PROCR: variants seen among roughly 807,000 people sequenced by gnomAD.
PROCR encodes endothelial protein C receptor.
Under a neutral mutation model 24.2 loss-of-function variants are expected in PROCR, and 22 were observed. The ratio of observed to expected loss-of-function variants is 0.91; its 90% confidence interval spans 0.65 to 1.30. The LOEUF is 1.30. Ranked by LOEUF, PROCR falls within the 50% of genes most tolerant of loss-of-function variation. The pLI is 0.00. For synonymous variants in PROCR, 137 were observed against 139.2 expected (o/e 0.98, Z 0.11); for missense variants, 288 against 307.7 (o/e 0.94, Z 0.48).
intron 1 of PROCR, chr20:35,202,645 C>G (rs2060323258): frequency 6.6e-6 from 1 of 151,502 alleles, no homozygotes; most frequent in Admixed American, 6.6e-5. Context: ...GTCAATTCAC[C>G]AAGAAGATAA....
intron 1 of PROCR, among the ~76,000 whole-genome samples, chr20:35,191,386 G>C (rs532367222): frequency 9.2e-5 from 14 of 152,174 alleles, no homozygotes; most frequent in Non-Finnish European, 1.6e-4. Flanking sequence ...CGTGGGAATA[G>C]AGCAATATAG....
rs1400594005 is a variant in PROCR at position 35,177,173 on chromosome 20, A to G, written c.*360A>G. On this transcript the variant is annotated 3_prime_UTR_variant, in exon 4 of 4. Coordinates refer to ENST00000216968, the MANE Select transcript of PROCR (RefSeq NM_006404.5). ...GGCGTTCAAAAGATATAACCAAATA[A>G]ACAAGTCATCCACAATCAAAATACA... 6.3e-5 allele frequency: 72 copies of G among 1,134,768 alleles called. No individual in the cohort carries two copies. The Middle Eastern group carries it at 1.2e-3, about 19-fold the overall frequency. The allele number at this position is 1,134,768 out of a possible 1,614,324, so 70.3% of individuals were successfully genotyped here.
At chr20:35,181,946 C>T (rs985400988), downstream of PROCR, among the ~76,000 whole-genome samples, 1 of 152,224 alleles carries the variant, frequency 6.6e-6, no homozygotes, top group Non-Finnish European at 1.5e-5. Context: ...AAGGATGCCA[C>T]AGCTGGAAGC....
rs116737636 is a variant in PROCR, at chr20:35,176,489, C to T, written c.601+43C>T. The T allele has an allele frequency of 9.6e-5, 155 of 1,608,286 alleles. No homozygotes were observed. The African/African-American group carries it at 2.0e-3, about 21-fold the overall frequency. ...CCAGGCCTGCAAGCTGGGGAGAGGG[C>T]GGGTTCCAGACAAATGGATGGACCT... On this transcript the variant is annotated intron_variant, in intron 3 of 3. Coordinates refer to ENST00000216968, the MANE Select transcript of PROCR (RefSeq NM_006404.5).
At chr20:35,205,767 A>ATATATATATATATATG (rs2060337357) in intron 1 of PROCR, among the ~76,000 whole-genome samples, 1 of 45,540 alleles carries the variant, frequency 2.2e-5, no homozygotes, top group African/African-American at 5.9e-5. Context: ...ATATATATAT[A>ATATATATATATATATG]TATATATATA....
At chr20:35,190,125 C>T (rs143649876) in intron 1 of PROCR, among the ~76,000 whole-genome samples, 1 of 152,060 alleles carries the variant, frequency 6.6e-6, no homozygotes, top group Non-Finnish European at 1.5e-5. Flanking sequence ...TTCTCACACC[C>T]AGTAAAAAGA....
chr20:35,173,572 G>A (rs2146141151), intron 1 of PROCR, among the ~76,000 whole-genome samples: 1 of 151,928 alleles, frequency 6.6e-6, no homozygotes, highest in Non-Finnish European at 1.5e-5. Flanking sequence ...TGGGACTACA[G>A]GCATGTACCA....
At chr20:35,191,376 C>A (rs184090941) in intron 1 of PROCR, among the ~76,000 whole-genome samples, 2 of 151,972 alleles carry the variant, frequency 1.3e-5, no homozygotes, top group Non-Finnish European at 2.9e-5. Flanking sequence ...TGTTTTAGGA[C>A]GTGGGAATAG....
At chr20:35,180,139 G>C (rs1039292143), downstream of PROCR, among the ~76,000 whole-genome samples, 1 of 152,082 alleles carries the variant, frequency 6.6e-6, no homozygotes, top group African/African-American at 2.4e-5. Flanking sequence ...CCAGCTACTA[G>C]CAGGGGCTGA....
chr20:35,178,844 G>A (rs544420580), downstream of PROCR, among the ~76,000 whole-genome samples: 9 of 150,470 alleles, frequency 6.0e-5, no homozygotes, highest in East Asian at 1.4e-3. Flanking sequence ...TTCCCAAATG[G>A]TATTAATAAA....
downstream of PROCR, among the ~76,000 whole-genome samples, chr20:35,177,671 A>G (rs747084968): frequency 5.3e-5 from 8 of 151,736 alleles, no homozygotes; most frequent in Non-Finnish European, 1.0e-4. Context: ...TGACCTCGTG[A>G]TCCGCCTACC....
rs2085988959 is a variant in PROCR, at chr20:35,174,736, CT to C, written c.107del (p.Phe36SerfsTer19). 2.5e-6 allele frequency: 4 copies of C among 1,614,018 alleles called. No individual in the cohort carries two copies. Among genetic ancestry groups the C allele is most frequent in the Non-Finnish European group, 3.4e-6 (4 of 1,180,022 alleles). ...QRLHMLQISY[F>X]RDPYHVWYQG... Reference sequence around the variant, plus strand: ...GACTTCATATGCTCCAGATCTCCTACTTCCGCGACCCCTATCACGTGTGGTA... The same window carrying C: ...GACTTCATATGCTCCAGATCTCCTACTCCGCGACCCCTATCACGTGTGGTA... On this transcript the variant is annotated frameshift_variant, in exon 2 of 4. Transcript: ENST00000216968. LOFTEE classifies it high-confidence loss of function.
chr20:35,172,294 A>G (rs772438189), intron 1 of PROCR, 70 bp downstream of exon 1: 1 of 1,522,004 alleles, frequency 6.6e-7, no homozygotes, highest in Non-Finnish European at 9.1e-7. Context: ...GCACATGGCA[A>G]GACCACAGGA....
intron 1 of PROCR, among the ~76,000 whole-genome samples, chr20:35,210,728 T>TC (rs1341624590): frequency 6.6e-6 from 1 of 151,382 alleles, no homozygotes; most frequent in African/African-American, 2.4e-5. Context: ...TTTTTTTTTT[T>TC]CTCTGAGATG....
At chr20:35,185,722 G>T (rs2086119663) in intron 1 of PROCR, among the ~76,000 whole-genome samples, 1 of 152,150 alleles carries the variant, frequency 6.6e-6, no homozygotes, top group South Asian at 2.1e-4. Flanking sequence ...AATGGACTTT[G>T]GGGACTTGGG....
At chr20:35,208,928 C>T (rs1412343246) in intron 1 of PROCR, among the ~76,000 whole-genome samples, 1 of 152,148 alleles carries the variant, frequency 6.6e-6, no homozygotes, top group Non-Finnish European at 1.5e-5. Flanking sequence ...GCCGAGATCA[C>T]ACCACTGCAC....
chr20:35,209,210 A>G (rs1488145834), intron 1 of PROCR, among the ~76,000 whole-genome samples: 1 of 152,222 alleles, frequency 6.6e-6, no homozygotes, highest in African/African-American at 2.4e-5. Flanking sequence ...TAGAATTCAT[A>G]GGAATAAATT....
downstream of PROCR, among the ~76,000 whole-genome samples, chr20:35,180,926 G>A (rs2068052809): frequency 6.6e-6 from 1 of 152,162 alleles, no homozygotes; most frequent in African/African-American, 2.4e-5. Context: ...GAGTGCAGTA[G>A]TGTGAACTTA....
rs141969923 is a variant in PROCR, at chr20:35,191,188, C to A, written c.94+14742C>A. Among the ~76,000 whole-genome samples the A allele has an allele frequency of 4.9e-3, 739 of 152,258 alleles. 5 individuals carry two copies. The highest frequency in any genetic ancestry group is 0.017 in the African/African-American group (710 of 41,552). On this transcript the variant is annotated intron_variant, in intron 1 of 1. Transcript: ENST00000634509. ...TTTCTTCTCCAGATTAAACATCTTACTTTCTTCAAGGGTTCCTTATTTGAT... is the reference window on the plus strand; with the variant it reads ...TTTCTTCTCCAGATTAAACATCTTAATTTCTTCAAGGGTTCCTTATTTGAT...
Sources: gnomAD v4.1 joint callset for allele counts (sites outside exome capture counted in the v4.1 genomes callset) on GRCh38, gnomAD v4.1.1 for gene constraint, MANE v1.5 for transcripts, NCBI Gene and HGNC (gene_info 2026-07-23, HGNC 2026-07-21) for gene names.